Variants in BMAL2 observed in about 807,000 individuals in gnomAD.
The protein encoded by BMAL2 is basic helix-loop-helix ARNT-like protein 2.
At chr12:27,337,261 T>C in the BMAL2 span, among the ~76,000 whole-genome samples, 1 of 152,228 alleles carries the variant, frequency 6.6e-6, no homozygotes, top group Admixed American at 6.5e-5. Context: ...GTTAAGACTA[T>C]TGTGATAAAA....
At chr12:27,363,261 G>A in the BMAL2 span, among the ~76,000 whole-genome samples, 1 of 152,106 alleles carries the variant, frequency 6.6e-6, no homozygotes, top group East Asian at 1.9e-4. Flanking sequence ...CATTGTTGTT[G>A]TTCAATTACA....
At chr12:27,398,301 C>T in the BMAL2 span, among the ~76,000 whole-genome samples, 2 of 152,126 alleles carry the variant, frequency 1.3e-5, no homozygotes, top group Admixed American at 1.3e-4. Context: ...TAGGGTAATA[C>T]AGGCTTTTTC....
At chr12:27,343,729 G>A in the BMAL2 span, among the ~76,000 whole-genome samples, 1 of 152,170 alleles carries the variant, frequency 6.6e-6, no homozygotes, top group Non-Finnish European at 1.5e-5. Context: ...CTGAAATTCT[G>A]ATGAACTGTG....
chr12:27,423,954 T>A, the BMAL2 span: 1 of 152,172 alleles, frequency 6.6e-6, no homozygotes, highest in African/African-American at 2.4e-5. Context: ...AGATGTGCTA[T>A]CAATGTAAGA....
the BMAL2 span, among the ~76,000 whole-genome samples, chr12:27,363,623 A>G: frequency 6.6e-6 from 1 of 152,170 alleles, no homozygotes; most frequent in South Asian, 2.1e-4. Flanking sequence ...TGAAGTGCCT[A>G]TTCAAGTTAT....
At chr12:27,345,364 C>G in the BMAL2 span, among the ~76,000 whole-genome samples, 1 of 152,080 alleles carries the variant, frequency 6.6e-6, no homozygotes, top group Non-Finnish European at 1.5e-5. Flanking sequence ...GTTTTAAGTT[C>G]TGTTTTTTTT....
chr12:27,386,993 G>A, the BMAL2 span, among the ~76,000 whole-genome samples: 1 of 152,138 alleles, frequency 6.6e-6, no homozygotes, highest in Non-Finnish European at 1.5e-5. Context: ...ATATTCTGCA[G>A]CCAAACTTTT....
the BMAL2 span, among the ~76,000 whole-genome samples, chr12:27,369,954 A>T: frequency 6.6e-6 from 1 of 152,234 alleles, no homozygotes; most frequent in Admixed American, 6.5e-5. Context: ...TTTGCCCAGC[A>T]TCACACAGCT....
the BMAL2 span, among the ~76,000 whole-genome samples, chr12:27,358,145 T>G: frequency 6.6e-6 from 1 of 152,136 alleles, no homozygotes; most frequent in African/African-American, 2.4e-5. Context: ...CTTCGCTATC[T>G]ATACATCTGA....
the BMAL2 span, among the ~76,000 whole-genome samples, chr12:27,410,202 C>A: frequency 6.6e-6 from 1 of 152,128 alleles, no homozygotes; most frequent in Non-Finnish European, 1.5e-5. Context: ...CCTCAGGGAT[C>A]TAAAACTAGA....
At chr12:27,396,953 G>C in the BMAL2 span, among the ~76,000 whole-genome samples, 1 of 152,186 alleles carries the variant, frequency 6.6e-6, no homozygotes. Context: ...GCTTTAACCA[G>C]GGAGAGTGTC....
the BMAL2 span, among the ~76,000 whole-genome samples, chr12:27,410,328 G>A: frequency 1.3e-5 from 2 of 152,186 alleles, no homozygotes; most frequent in South Asian, 2.1e-4. Context: ...CACAATAGCA[G>A]AGACTGGGAA....
chr12:27,389,326 T>C, the BMAL2 span: 1 of 1,418,868 alleles, frequency 7.0e-7, no homozygotes. Flanking sequence ...TGCTTATTAT[T>C]TTATGTAAAT....
chr12:27,401,135 C>T, the BMAL2 span: 1 of 767,904 alleles, frequency 1.3e-6, no homozygotes, highest in Non-Finnish European at 2.2e-6. Context: ...CAGTGATATG[C>T]ATGGGTCACT....
At chr12:27,370,245 G>A in the BMAL2 span, 58 of 1,576,968 alleles carry the variant, frequency 3.7e-5, 1 homozygote, top group Middle Eastern at 1.0e-3. Flanking sequence ...GTCCTGGACT[G>A]TCTTTGACAT....
chr12:27,413,724 A>C, the BMAL2 span, among the ~76,000 whole-genome samples: 1 of 152,240 alleles, frequency 6.6e-6, no homozygotes, highest in Admixed American at 6.5e-5. Flanking sequence ...TTAAAAAATA[A>C]GATCCAACTG....
the BMAL2 span, chr12:27,424,156 A>T: frequency 6.6e-6 from 1 of 152,212 alleles, no homozygotes; most frequent in South Asian, 2.1e-4. Context: ...GGCTCAGATT[A>T]TATTTCTATT....
the BMAL2 span, among the ~76,000 whole-genome samples, chr12:27,364,286 A>T: frequency 1.3e-5 from 2 of 152,160 alleles, no homozygotes; most frequent in African/African-American, 4.8e-5. Context: ...AACCATAGCA[A>T]AAGTTTTCTG....
chr12:27,352,304 T>C, the BMAL2 span, among the ~76,000 whole-genome samples: 1 of 152,358 alleles, frequency 6.6e-6, no homozygotes, highest in Admixed American at 6.5e-5. Flanking sequence ...CCTAAACTTT[T>C]TGAGTACTGG....
Sources: allele counts gnomAD v4.1 joint callset (sites outside exome capture counted in the v4.1 genomes callset), GRCh38; gene constraint gnomAD v4.1.1; transcripts MANE v1.5; gene names NCBI Gene and HGNC (gene_info 2026-07-23, HGNC 2026-07-21).